The following RNF6 variants were observed in gnomAD, a reference collection of about 807,000 sequenced individuals.
RNF6 encodes the protein ring finger protein 6, also known as E3 ubiquitin-protein ligase RNF6.
A neutral mutation model predicts 50.1 loss-of-function variants in RNF6; 21 were observed. That is an observed-to-expected ratio of 0.42 (90% CI 0.30 to 0.60). The LOEUF (loss-of-function observed/expected upper bound fraction) is 0.60, where lower values mean the gene tolerates loss of function less well. RNF6 is among the 20% of genes least tolerant of loss of function. The probability of loss-of-function intolerance (pLI) is 0.20; values close to 1 mark genes in which losing one functional copy is unlikely to be tolerated. For synonymous variants in RNF6, 255 were observed against 291.8 expected (o/e 0.87, Z 1.29); for missense variants, 698 against 838.2 (o/e 0.83, Z 2.07).
At chr13:26,158,279 T>A (rs1203611221) in intron 5 of RNF6, among the ~76,000 whole-genome samples, 3 of 152,132 alleles carry the variant, frequency 2.0e-5, no homozygotes, top group African/African-American at 7.2e-5. Flanking sequence ...GGGATCCAAA[T>A]GGCTCACCTT....
intron 5 of RNF6, among the ~76,000 whole-genome samples, chr13:26,134,271 T>C (rs1156769351): frequency 1.3e-5 from 2 of 152,248 alleles, no homozygotes; most frequent in East Asian, 3.9e-4. Context: ...CCTGGCTTCC[T>C]ACCTGGCCTC....
intron 5 of RNF6, among the ~76,000 whole-genome samples, chr13:26,179,083 G>A (rs1240873371): frequency 1.3e-5 from 2 of 152,156 alleles, no homozygotes; most frequent in Non-Finnish European, 2.9e-5. Flanking sequence ...TCCCAGAGGA[G>A]GACTCTAAAC....
At chr13:26,191,283 G>GCATT (rs1353246973) in intron 5 of RNF6, among the ~76,000 whole-genome samples, 4 of 152,032 alleles carry the variant, frequency 2.6e-5, no homozygotes, top group Non-Finnish European at 5.9e-5. Flanking sequence ...ATATCTAAAT[G>GCATT]CATTCATTCA....
chr13:26,167,040 T>C (rs914375976), intron 5 of RNF6, among the ~76,000 whole-genome samples: 1 of 152,198 alleles, frequency 6.6e-6, no homozygotes, highest in Admixed American at 6.5e-5. Flanking sequence ...ATTAGCATTG[T>C]GAGAACATGC....
At chr13:26,212,535 C>T (rs1869372869), downstream of RNF6, among the ~76,000 whole-genome samples, 1 of 151,734 alleles carries the variant, frequency 6.6e-6, no homozygotes, top group Non-Finnish European at 1.5e-5. Flanking sequence ...AACAGTATCA[C>T]CACAAGAAAA....
At position 26,214,288 on chromosome 13, in the gene RNF6, G is replaced by A. The variant is rs772309222; in HGVS notation, c.1594C>T (p.His532Tyr). Reference sequence around the variant, plus strand: ...CTGTCTTGAGAGGAACCTTCCCTGTGCTGGCTCCTGTTGTTATCTGTACCT... The same window carrying A: ...CTGTCTTGAGAGGAACCTTCCCTGTACTGGCTCCTGTTGTTATCTGTACCT... ...NLGTDNNRSQ[H>Y]REGSSQDRQA... The change falls in exon 5 of 5, where the codon CAC (histidine) becomes TAC (tyrosine). Residue 532 changes from histidine to tyrosine, a missense_variant. His to Tyr is a moderately conservative substitution (Grantham distance 83). Coordinates refer to ENST00000381588, the MANE Select transcript of RNF6 (RefSeq NM_005977.4). The A allele has an allele frequency of 5.6e-6, 9 of 1,614,116 alleles. No individual in the cohort carries two copies. The highest frequency in any genetic ancestry group is 3.3e-5 in the South Asian group (3 of 91,080).
chr13:26,144,926 C>T (rs914954670), intron 5 of RNF6: 1 of 152,180 alleles, frequency 6.6e-6, no homozygotes, highest in African/African-American at 2.4e-5. Context: ...AATTTTATGG[C>T]TTGGTGGGTC....
upstream of RNF6, chr13:26,222,716 GCTCACTGCAGCCTCCAGCGATCCTCC>G (rs1238782726): frequency 3.9e-5 from 6 of 152,294 alleles, no homozygotes; most frequent in African/African-American, 1.4e-4. Flanking sequence ...AGCGATCGTA[GCTCACTGCAGCCTCCAGCGATCCTCC>G]CTCCTCATCC....
intron 5 of RNF6, among the ~76,000 whole-genome samples, chr13:26,190,227 T>C (rs981439898): frequency 4.6e-5 from 7 of 152,244 alleles, no homozygotes; most frequent in Non-Finnish European, 5.9e-5. Flanking sequence ...GGAAAGGTTC[T>C]CTGAGGACAC....
intron 4 of RNF6, among the ~76,000 whole-genome samples, chr13:26,216,515 A>C (rs1007542174): frequency 5.8e-4 from 88 of 152,032 alleles, no homozygotes; most frequent in African/African-American, 2.0e-3. Context: ...TCACCCATAA[A>C]CTTTTTTGAC....
intron 5 of RNF6, among the ~76,000 whole-genome samples, chr13:26,168,544 T>G (rs1404716072): frequency 6.6e-6 from 1 of 152,234 alleles, no homozygotes; most frequent in Non-Finnish European, 1.5e-5. Flanking sequence ...GATGAAGTTT[T>G]GCAGAAAATG....
intron 5 of RNF6, among the ~76,000 whole-genome samples, chr13:26,174,807 G>C (rs957660879): frequency 1.3e-5 from 2 of 152,062 alleles, no homozygotes; most frequent in African/African-American, 4.8e-5. Context: ...GCAGTTGAGG[G>C]CTCCATGCTG....
At position 26,214,469 on chromosome 13, in the gene RNF6, C is replaced by T. The variant is rs1485343348; in HGVS notation, c.1413G>A (p.Glu471=). 5.0e-6 allele frequency: 8 copies of T among 1,614,182 alleles called. No homozygotes were observed. The South Asian group carries it at 7.7e-5, about 16-fold the overall frequency. ...GAGCCACTGATGATGGCTCAACAAG[C>T]TCATTCTCAGAAATCCTACGAAGAG... ...TVPLRRISEN[E]LVEPSSVALR... is the part of the protein sequence containing the mutation. The change falls in exon 5 of 5, where the codon GAG becomes GAA. Residue 471 remains glutamate (E), a synonymous_variant. Transcript: ENST00000381588.
intron 5 of RNF6, among the ~76,000 whole-genome samples, chr13:26,192,549 A>G (rs1417561067): frequency 1.3e-5 from 2 of 152,198 alleles, no homozygotes; most frequent in Non-Finnish European, 2.9e-5. Context: ...AGGTGGTGGG[A>G]TATCACTTTC....
At chr13:26,184,019 T>TATATATATATATATATATATATA (rs1491321211) in intron 5 of RNF6, among the ~76,000 whole-genome samples, 1 of 20,344 alleles carries the variant, frequency 4.9e-5, no homozygotes. Flanking sequence ...TATATATATA[T>TATATATATATATATATATATATA]TTTTTTTTTT....
At chr13:26,170,413 C>A (rs1000620454) in intron 5 of RNF6, among the ~76,000 whole-genome samples, 1 of 152,196 alleles carries the variant, frequency 6.6e-6, no homozygotes, top group Admixed American at 6.6e-5. Flanking sequence ...ATGTTCAAAT[C>A]CTTGGGTGAA....
At position 26,158,702 on chromosome 13, in the gene RNF6, A is replaced by C. The variant is rs2137603423; in HGVS notation, n.769-26251T>G. On this transcript the variant is annotated intron_variant and non_coding_transcript_variant, in intron 5 of 5. Coordinates refer to the RNF6 transcript ENST00000468480. ...ACATAAAATTGTATATCTATGTCTC[A>C]GTAGGTGAATGTCTGTGTGTGGGTG... is the stretch of plus-strand genomic sequence containing the variant. Among the ~76,000 whole-genome samples, 5 of 152,218 alleles carry C rather than the reference A, an allele frequency of 3.3e-5. 1 individual carries two copies. In the South Asian group the frequency reaches 1.0e-3, roughly 32 times the overall value.
intron 5 of RNF6, among the ~76,000 whole-genome samples, chr13:26,174,081 G>A (rs1488278553): frequency 6.6e-6 from 1 of 152,154 alleles, no homozygotes; most frequent in Non-Finnish European, 1.5e-5. Context: ...CATCACATAG[G>A]CTCACTGCCA....
chr13:26,174,772 C>T (rs983703064), intron 5 of RNF6, among the ~76,000 whole-genome samples: 2 of 152,106 alleles, frequency 1.3e-5, no homozygotes, highest in Non-Finnish European at 2.9e-5. Context: ...GAGAGGACCT[C>T]CCCAGCCCGC....
Sources: allele counts gnomAD v4.1 joint callset (sites outside exome capture counted in the v4.1 genomes callset), GRCh38; gene constraint gnomAD v4.1.1; transcripts MANE v1.5; gene names NCBI Gene and HGNC (gene_info 2026-07-23, HGNC 2026-07-21).